ADCY5: variants seen among roughly 807,000 people sequenced by gnomAD.
The protein encoded by ADCY5 is adenylate cyclase 5, also known as adenylate cyclase type 5.
Under a neutral mutation model 119.7 loss-of-function variants are expected in ADCY5, and 30 were observed. The ratio of observed to expected loss-of-function variants is 0.25; its 90% CI spans 0.19 to 0.34. ADCY5 has a LOEUF of 0.34. Among genes scored for constraint, ADCY5 ranks in the 10% least tolerant of loss-of-function variants. The pLI, the probability that ADCY5 is intolerant of heterozygous loss-of-function variation, is 1.00. For missense variants in ADCY5, 1,324 were observed against 1,775.2 expected (o/e 0.75, Z 4.57); for synonymous variants, 753 against 762.2 (o/e 0.99, Z 0.20).
intron 12 of ADCY5, among the ~76,000 whole-genome samples, chr3:123,304,775 T>C (rs1291439062): frequency 6.6e-6 from 1 of 152,116 alleles, no homozygotes; most frequent in Non-Finnish European, 1.5e-5. Flanking sequence ...CTACGCTGTA[T>C]TCTTCCACCA....
chr3:123,349,525 T>A (rs1559827820), intron 2 of ADCY5, among the ~76,000 whole-genome samples: 1 of 152,174 alleles, frequency 6.6e-6, no homozygotes, highest in Non-Finnish European at 1.5e-5. Flanking sequence ...CCGATCTCTC[T>A]GAAACACTAC....
In ADCY5 at chr3:123,351,722, C is replaced by T. The variant is rs145999964; in HGVS notation, c.1284+710G>A. Among the ~76,000 whole-genome samples the T allele has an allele frequency of 3.3e-4, 50 of 152,294 alleles. 1 individual carries two copies. The East Asian group carries it at 9.7e-3, about 29-fold the overall frequency. ...AAGAGGAGACAGTGGGGATCCAGAC[C>T]TGGAATCCAAACAGGACTCCGCCCC... On this transcript the variant is annotated intron_variant, in intron 2 of 20. Transcript: ENST00000462833.
chr3:123,407,350 T>G (rs1304192582), intron 1 of ADCY5, among the ~76,000 whole-genome samples: 1 of 152,080 alleles, frequency 6.6e-6, no homozygotes, highest in Non-Finnish European at 1.5e-5. Flanking sequence ...TCAAAAAGAA[T>G]GGGATCAGAT....
rs6148049 is a variant in ADCY5, at chr3:123,358,155, C to CGTGTGTGTGTGTGTGT, written c.1135-5590_1135-5575dup. ...GGGACACATCTAACCACATGGAACA[C>CGTGTGTGTGTGTGTGT]GTGTGTGTGTGTGTGTGTGTGTGTG... On this transcript the variant is annotated intron_variant, in intron 1 of 20. Coordinates refer to ENST00000462833, the MANE Select transcript of ADCY5 (RefSeq NM_183357.3). Among the ~76,000 whole-genome samples, 583 of 140,938 alleles carry CGTGTGTGTGTGTGTGT rather than the reference C, an allele frequency of 4.1e-3. 10 individuals are homozygous for CGTGTGTGTGTGTGTGT. Among genetic ancestry groups the CGTGTGTGTGTGTGTGT allele is most frequent in the East Asian group, 6.9e-3 (30 of 4,330 alleles). The allele number at this position is 140,938 out of a possible 152,430, so 92.5% of individuals were successfully genotyped here.
At chr3:123,340,830 A>C (rs1939714575) in intron 3 of ADCY5, among the ~76,000 whole-genome samples, 1 of 152,032 alleles carries the variant, frequency 6.6e-6, no homozygotes, top group Admixed American at 6.6e-5. Flanking sequence ...CACCCACCAA[A>C]ACTGAAAGCA....
intron 1 of ADCY5, among the ~76,000 whole-genome samples, chr3:123,386,744 G>A (rs2107574743): frequency 6.6e-6 from 1 of 152,252 alleles, no homozygotes; most frequent in Non-Finnish European, 1.5e-5. Flanking sequence ...TTACTTTGCA[G>A]GCTGCAGAAA....
At position 123,419,061 on chromosome 3, in the gene ADCY5, A is replaced by G. The variant is rs988589545; in HGVS notation, c.1134+28351T>C. The stretch of plus-strand genomic sequence containing the variant: ...GGGTCTTCTCAGTCTCCGTAACGGC[A>G]TGAGCCAATCCCCCACAGTAAATCT... On this transcript the variant is annotated intron_variant, in intron 1 of 20. Transcript: ENST00000462833. 4.3e-5 allele frequency: 36 copies of G among 828,150 alleles called. No individual in the cohort carries two copies. The Middle Eastern group carries it at 1.8e-3, about 43-fold the overall frequency. The allele number at this position is 828,150 out of a possible 1,614,324, so 51.3% of individuals were successfully genotyped here. A position where few individuals can be genotyped will look rare whatever the true frequency, so the allele number is the denominator to read the frequency against.
At chr3:123,302,033 T>G (rs2108258939) in intron 14 of ADCY5, among the ~76,000 whole-genome samples, 1 of 152,238 alleles carries the variant, frequency 6.6e-6, no homozygotes, top group African/African-American at 2.4e-5. Context: ...CCAGGCTGGG[T>G]GGGGGGCCCA....
chr3:123,429,642 G>A (rs1945482837), intron 1 of ADCY5, among the ~76,000 whole-genome samples: 2 of 152,178 alleles, frequency 1.3e-5, no homozygotes, highest in African/African-American at 4.8e-5. Flanking sequence ...CAGTGACAGA[G>A]TGAGGCATCT....
chr3:123,286,822 G>A lies in ADCY5; in HGVS notation c.3533-13C>T, dbSNP rs745482851. On this transcript the variant is annotated splice_polypyrimidine_tract_variant and intron_variant, in intron 19 of 20. Transcript: ENST00000462833. The surrounding 1 kb of genome is among the most constrained non-coding windows in gnomAD (Gnocchi z 4.2). ...CCGATGTTGAGCCCTGCAGGGGACA[G>A]GAATCAGCCACAGTCATCACATCTC... 6.3e-7 allele frequency: 1 copy of A among 1,585,250 alleles called. No individual in the cohort carries two copies. Among genetic ancestry groups the A allele is most frequent in the African/African-American group, 1.4e-5 (1 of 74,034 alleles).
chr3:123,447,773 G>T lies in ADCY5; in HGVS notation c.773C>A (p.Ala258Asp). 1 of 1,609,534 alleles carries T rather than the reference G, an allele frequency of 6.2e-7. No homozygotes were observed. Among genetic ancestry groups the T allele is most frequent in the South Asian group, 1.1e-5 (1 of 90,938 alleles). Residue 258 changes from alanine (A) to aspartate (D), a missense_variant, in exon 1 of 21, where the codon GCC (alanine) becomes GAC (aspartate). Ala to Asp is a moderately radical substitution (Grantham distance 126). Transcript: ENST00000462833. Reference protein sequence around the residue: ...VLVLVCLVMLAFHAARPPLQL... With the variant: ...VLVLVCLVMLDFHAARPPLQL... ...GAGCGGGGGCCGCGCCGCGTGGAAG[G>T]CCAACATGACCAGGCACACGAGCAC...
Position 123,296,202 on chromosome 3 carries a change from G to A in ADCY5, c.2945C>T (p.Thr982Ile). The A allele has an allele frequency of 1.2e-6, 2 of 1,613,872 alleles. No homozygotes were observed. The highest frequency in any genetic ancestry group is 1.7e-6 in the Non-Finnish European group (2 of 1,179,980). ...NGTSQCPEHA[T>I]KVALKVVTPI... ...CGTCACCACCTTCAATGCCACCTTG[G>A]TTGCATGCTCAGGGCTGTGGGGAGG... The change falls in exon 17 of 21, where the codon ACC becomes ATC. Residue 982 changes from threonine (T) to isoleucine (I), a missense_variant. Thr to Ile is a moderately conservative substitution (Grantham distance 89). This residue lies in a region of ADCY5 where 424 missense variants were observed against 546.8 expected (regional missense o/e 0.78). Transcript: ENST00000462833.
At chr3:123,355,266 C>T (rs891764493) in intron 1 of ADCY5, among the ~76,000 whole-genome samples, 2 of 152,124 alleles carry the variant, frequency 1.3e-5, no homozygotes, top group Middle Eastern at 3.2e-3. Flanking sequence ...TCATAGGATA[C>T]AAGATCAATA....
intron 1 of ADCY5, among the ~76,000 whole-genome samples, chr3:123,373,758 G>GCCTCCC (rs1943718682): frequency 2.7e-5 from 1 of 37,074 alleles, no homozygotes; most frequent in Non-Finnish European, 6.7e-5. Flanking sequence ...GAAGCATCAC[G>GCCTCCC]CCCCCCCCCC....
At chr3:123,432,982 T>G (rs1945550165) in intron 1 of ADCY5, among the ~76,000 whole-genome samples, 1 of 152,122 alleles carries the variant, frequency 6.6e-6, no homozygotes, top group African/African-American at 2.4e-5. Context: ...CTATCTGCCT[T>G]CCTCCCACAG....
At chr3:123,400,088 G>A (rs2107606496) in intron 1 of ADCY5, among the ~76,000 whole-genome samples, 1 of 152,302 alleles carries the variant, frequency 6.6e-6, no homozygotes, top group East Asian at 1.9e-4. Context: ...TGCAATAGGA[G>A]GGACTGGGAC....
At chr3:123,358,155 CGTGTGTGTGTGTGTGTGTGT>C (rs6148049) in intron 1 of ADCY5, among the ~76,000 whole-genome samples, 55,086 of 140,926 alleles carry the variant, frequency 0.39, 11,283 homozygotes, top group Admixed American at 0.49. Flanking sequence ...ACATGGAACA[CGTGTGTGTGTGTGTGTGTGT>C]GTGTGTGTGT....
At chr3:123,364,019 A>G (rs1943346852) in intron 1 of ADCY5, among the ~76,000 whole-genome samples, 1 of 152,222 alleles carries the variant, frequency 6.6e-6, no homozygotes, top group Non-Finnish European at 1.5e-5. Flanking sequence ...CCAAAATACA[A>G]TGTCAAGTGG....
chr3:123,396,273 AAGAG>A (rs200432581), intron 1 of ADCY5, among the ~76,000 whole-genome samples: 3 of 144,054 alleles, frequency 2.1e-5, no homozygotes, highest in Non-Finnish European at 3.1e-5. Context: ...GAAGGAGAGA[AAGAG>A]AGAGAGGGAA....
Sources: allele counts gnomAD v4.1 joint callset (sites outside exome capture counted in the v4.1 genomes callset), GRCh38; gene constraint gnomAD v4.1.1; regional missense constraint gnomAD v4.1.1; non-coding constraint Gnocchi (gnomAD v3.1); transcripts MANE v1.5; gene names NCBI Gene and HGNC (gene_info 2026-07-23, HGNC 2026-07-21).